The following PPP6R2 variants were observed in gnomAD, a reference collection of about 807,000 sequenced individuals.
PPP6R2 encodes the protein protein phosphatase 6 regulatory subunit 2, also known as serine/threonine-protein phosphatase 6 regulatory subunit 2.
In PPP6R2, 62 loss-of-function variants were observed where a neutral mutation model predicts 100.2. The ratio of observed to expected loss-of-function variants is 0.62; its 90% confidence interval spans 0.50 to 0.76. PPP6R2 has a LOEUF of 0.76. Among genes scored for constraint, PPP6R2 ranks in the 30% least tolerant of loss-of-function variants. The probability of loss-of-function intolerance (pLI) is 0.00; values close to 1 mark genes in which losing one functional copy is unlikely to be tolerated. For synonymous variants in PPP6R2, 525 were observed against 514.7 expected (o/e 1.02, Z -0.27); for missense variants, 1,142 against 1,276.3 (o/e 0.89, Z 1.60).
upstream of PPP6R2, among the ~76,000 whole-genome samples, chr22:50,342,130 C>T (rs2042470633): frequency 6.6e-6 from 1 of 152,202 alleles, no homozygotes; most frequent in Admixed American, 6.5e-5. Context: ...GCCCCTGGCC[C>T]CAGTCCCCAT....
At chr22:50,435,193 TGA>T (rs755269094) in intron 13 of PPP6R2, 112 bp downstream of exon 13, 34 of 826,180 alleles carry the variant, frequency 4.1e-5, no homozygotes, top group Middle Eastern at 3.7e-4. Flanking sequence ...GCACTGACAG[TGA>T]GAGACCCATG....
Position 50,443,970 on chromosome 22 carries a change from TCAC to T in PPP6R2, c.2688_2690del (p.Thr897del). On this transcript the variant is annotated inframe_deletion, in exon 23 of 24. Coordinates refer to ENST00000612753, the MANE Select transcript of PPP6R2 (RefSeq NM_001242898.2). Reference sequence around the variant, plus strand: ...GTGCCCCCCGAGGCTACTGTGGCCATCACCACAGCACTGAGCAAGGCTGGCCCC... The same window carrying T: ...GTGCCCCCCGAGGCTACTGTGGCCATCACAGCACTGAGCAAGGCTGGCCCC... 1 of 1,612,238 alleles carries T rather than the reference TCAC, an allele frequency of 6.2e-7. No homozygotes were observed. The highest frequency in any genetic ancestry group is 8.5e-7 in the Non-Finnish European group (1 of 1,179,670).
intron 21 of PPP6R2, 91 bp from the exon 22 acceptor site, chr22:50,440,730 AG>A: frequency 7.1e-7 from 1 of 1,400,122 alleles, no homozygotes. Context: ...TGCATGTGAG[AG>A]GGCCACATGT....
chr22:50,423,556 C>T lies in PPP6R2; in HGVS notation c.1067C>T (p.Thr356Ile). 6.2e-7 allele frequency: 1 copy of T among 1,614,230 alleles called. No individual in the cohort carries two copies. Among genetic ancestry groups the T allele is most frequent in the Non-Finnish European group, 8.5e-7 (1 of 1,180,046 alleles). The change falls in exon 10 of 24, where the codon ACA (threonine) becomes ATA (isoleucine). Residue 356 changes from threonine (T) to isoleucine (I), a missense_variant. Thr to Ile is a moderately conservative substitution (Grantham distance 89). Transcript: ENST00000612753. The surrounding 1 kb of genome is among the most constrained non-coding windows in gnomAD (Gnocchi z 4.8). ...CGCCTCATGGCAGCACTGCTGCACA[C>T]AAACACACCCAGCATCAACCAGGAG... ...GARLMAALLH[T>I]NTPSINQELC...
At chr22:50,384,035 CAA>C (rs547396966) in intron 2 of PPP6R2, among the ~76,000 whole-genome samples, 7 of 75,900 alleles carry the variant, frequency 9.2e-5, no homozygotes, top group East Asian at 7.8e-4. Context: ...GACTCCATCT[CAA>C]AAAAAAAAAA....
At chr22:50,405,844 G>A (rs1344356159) in intron 3 of PPP6R2, among the ~76,000 whole-genome samples, 1 of 133,062 alleles carries the variant, frequency 7.5e-6, no homozygotes, top group African/African-American at 2.9e-5. Context: ...GTGAAGGCCT[G>A]GAGGGAGGTG....
chr22:50,357,810 G>C (rs2046930780), intron 1 of PPP6R2, among the ~76,000 whole-genome samples: 2 of 152,040 alleles, frequency 1.3e-5, no homozygotes, highest in African/African-American at 4.8e-5. Flanking sequence ...ATTTTTAGTA[G>C]AGACAGGGTT....
At chr22:50,358,673 C>T (rs1178059560) in intron 1 of PPP6R2, among the ~76,000 whole-genome samples, 1 of 152,096 alleles carries the variant, frequency 6.6e-6, no homozygotes, top group East Asian at 1.9e-4. Flanking sequence ...CTATCCTTTC[C>T]CTCCTTCTCT....
At chr22:50,417,604 C>T (rs183725291) in intron 6 of PPP6R2, among the ~76,000 whole-genome samples, 4 of 152,328 alleles carry the variant, frequency 2.6e-5, no homozygotes, top group Admixed American at 2.6e-4. Flanking sequence ...CGCTGCCTGG[C>T]CAACCACCCT....
intron 1 of PPP6R2, among the ~76,000 whole-genome samples, chr22:50,348,637 A>C (rs199817884): frequency 5.7e-4 from 87 of 152,114 alleles, no homozygotes; most frequent in African/African-American, 2.0e-3. Flanking sequence ...AAAGTAGGGG[A>C]AGTCTGAGAA....
At chr22:50,358,713 T>G (rs999947806) in intron 1 of PPP6R2, among the ~76,000 whole-genome samples, 12 of 152,172 alleles carry the variant, frequency 7.9e-5, no homozygotes, top group Admixed American at 1.3e-4. Context: ...TTCTGTATGA[T>G]CCATCTTGCT....
intron 2 of PPP6R2, among the ~76,000 whole-genome samples, chr22:50,382,395 G>T (rs972019791): frequency 4.6e-5 from 7 of 151,712 alleles, no homozygotes; most frequent in African/African-American, 1.5e-4. Flanking sequence ...TCAGGAGTTC[G>T]AGACCAGCCT....
At chr22:50,391,289 T>C (rs1318459767) in intron 2 of PPP6R2, among the ~76,000 whole-genome samples, 1 of 151,578 alleles carries the variant, frequency 6.6e-6, no homozygotes, top group African/African-American at 2.4e-5. Flanking sequence ...AAAAATCAGC[T>C]GGGCATGGTG....
At chr22:50,411,782 A>T (rs2059778260) in intron 4 of PPP6R2, among the ~76,000 whole-genome samples, 1 of 151,818 alleles carries the variant, frequency 6.6e-6, no homozygotes, top group South Asian at 2.1e-4. Context: ...GCAGTGGCTC[A>T]CGCCTGTAAT....
chr22:50,437,782 G>A (rs2064689823), intron 16 of PPP6R2, 61 bp from the exon 17 acceptor site: 3 of 1,520,394 alleles, frequency 2.0e-6, no homozygotes, highest in African/African-American at 1.4e-5. Context: ...GAGGAGCACT[G>A]AGGCCCCAGA....
chr22:50,415,913 C>T (rs968206020), intron 5 of PPP6R2, among the ~76,000 whole-genome samples, 179 bp from the exon 6 acceptor site: 9 of 152,214 alleles, frequency 5.9e-5, no homozygotes, highest in Non-Finnish European at 1.3e-4. Flanking sequence ...TGAGCCACTC[C>T]CAGAACCTCC....
rs574566482 is a variant in PPP6R2, at chr22:50,434,630, G to T, written c.1401-336G>T. 2.0e-5 allele frequency among the ~76,000 whole-genome samples: 2 copies of T among 101,778 alleles called. 1 individual carries two copies. The highest frequency in any genetic ancestry group is 1.3e-3 in the East Asian group (2 of 1,510). 66.8% of individuals were successfully genotyped at this position (101,778 alleles called of 152,430 possible). A position where few individuals can be genotyped will look rare whatever the true frequency, so the allele number is the denominator to read the frequency against. The stretch of plus-strand genomic sequence containing the variant: ...TGGGCAGGGGCCGGGCATTTGCTCT[G>T]GAGGAGGGCCGGGGGCATGGATGCT... On this transcript the variant is annotated intron_variant, in intron 12 of 23. Coordinates refer to ENST00000612753, the MANE Select transcript of PPP6R2 (RefSeq NM_001242898.2).
chr22:50,430,334 T>TA (rs759816982), intron 10 of PPP6R2, among the ~76,000 whole-genome samples: 1 of 152,208 alleles, frequency 6.6e-6, no homozygotes, highest in Non-Finnish European at 1.5e-5. Context: ...TGGTGGACGA[T>TA]ATGCACACGC....
chr22:50,443,844 G>A lies in PPP6R2; in HGVS notation c.2580-22G>A, dbSNP rs369768474. On this transcript the variant is annotated intron_variant, in intron 22 of 23. Transcript: ENST00000612753. ...ACTGAGGGTGGGGGTGCCCGTAACC[G>A]GAGTCCATGTTTGCCACACAGGGTC... 454 of 1,556,794 alleles carry A rather than the reference G, an allele frequency of 2.9e-4. 1 individual carries two copies. The highest frequency in any genetic ancestry group is 6.2e-4 in the African/African-American group (46 of 73,668).
Sources: allele counts gnomAD v4.1 joint callset (sites outside exome capture counted in the v4.1 genomes callset), GRCh38; gene constraint gnomAD v4.1.1; non-coding constraint Gnocchi (gnomAD v3.1); transcripts MANE v1.5; gene names NCBI Gene and HGNC (gene_info 2026-07-23, HGNC 2026-07-21).